C22orf31: variants seen among roughly 807,000 people sequenced by gnomAD.
The protein encoded by C22orf31 is chromosome 22 open reading frame 31.
A neutral mutation model predicts 15.0 loss-of-function variants in C22orf31; 11 were observed. The observed-to-expected ratio is 0.73, with a 90% CI of 0.46 to 1.21. The LOEUF (loss-of-function observed/expected upper bound fraction) is 1.21. Ranked by LOEUF, C22orf31 falls within the 50% of genes most tolerant of loss-of-function variation. C22orf31 has a pLI of 0.00. For synonymous variants in C22orf31, 132 were observed against 133.3 expected, an observed-to-expected ratio of 0.99 and a Z score of 0.07; for missense variants, 340 against 347.2, an observed-to-expected ratio of 0.98 and a Z score of 0.17.
upstream of C22orf31, among the ~76,000 whole-genome samples, chr22:29,062,281 A>G (rs1376942644): frequency 1.3e-5 from 2 of 152,078 alleles, no homozygotes; most frequent in African/African-American, 2.4e-5. Context: ...GCCCTCCTTC[A>G]TGTACATAAA....
chr22:29,063,486 G>A (rs1409388087), upstream of C22orf31, among the ~76,000 whole-genome samples: 1 of 152,130 alleles, frequency 6.6e-6, no homozygotes, highest in Non-Finnish European at 1.5e-5. Context: ...TTCCAGCAGA[G>A]AGCTGTTCAC....
Position 29,058,708 on chromosome 22 carries a change from G to T in C22orf31, c.*34C>A. The stretch of plus-strand genomic sequence containing the variant: ...GTTGTGTTTATTTTTCAGATCTCTA[G>T]CAGAGAATACTCTAATCCCATGAGT... On this transcript the variant is annotated 3_prime_UTR_variant, in exon 3 of 3. Coordinates refer to ENST00000216071, the MANE Select transcript of C22orf31 (RefSeq NM_015370.2). 2.7e-6 allele frequency: 4 copies of T among 1,493,468 alleles called. No individual in the cohort carries two copies. Among genetic ancestry groups the T allele is most frequent in the Non-Finnish European group, 3.7e-6 (4 of 1,095,860 alleles). 92.5% of individuals were successfully genotyped at this position (1,493,468 alleles called of 1,614,324 possible). A position where few individuals can be genotyped will look rare whatever the true frequency, so the allele number is the denominator to read the frequency against.
chr22:29,060,426 C>T lies in C22orf31; in HGVS notation c.421G>A (p.Gly141Ser), dbSNP rs999450525. The change falls in exon 2 of 3, where the codon GGC (glycine) becomes AGC (serine). Residue 141 changes from glycine (G) to serine (S), a missense_variant. By Grantham distance (56) the Gly-to-Ser change is moderately conservative. Coordinates refer to ENST00000216071, the MANE Select transcript of C22orf31 (RefSeq NM_015370.2). ...TGGTCCTCGTCTACCTCTCTGATGCCTCCTGCAGGCCTCCTATGCCCTGCT... is the reference window on the plus strand; with the variant it reads ...TGGTCCTCGTCTACCTCTCTGATGCTTCCTGCAGGCCTCCTATGCCCTGCT... ...QPAGHRRPAGGIRESKESSKE... is the reference protein window; with the variant it reads ...QPAGHRRPAGSIRESKESSKE... 6.2e-7 allele frequency: 1 copy of T among 1,612,344 alleles called. No individual in the cohort carries two copies. Among genetic ancestry groups the T allele is most frequent in the South Asian group, 1.1e-5 (1 of 90,876 alleles).
intron 1 of C22orf31, among the ~76,000 whole-genome samples, chr22:29,061,280 G>A (rs567951470): frequency 6.6e-6 from 1 of 151,896 alleles, no homozygotes; most frequent in East Asian, 1.9e-4. Flanking sequence ...TTTTGTGTGT[G>A]GGGGGGACGG....
upstream of C22orf31, among the ~76,000 whole-genome samples, chr22:29,064,101 C>A (rs1052444770): frequency 1.3e-5 from 2 of 152,194 alleles, no homozygotes; most frequent in Non-Finnish European, 2.9e-5. Context: ...CTCTTGACCT[C>A]AGGTGATCCA....
chr22:29,060,021 C>CTT lies in C22orf31; in HGVS notation c.432+392_432+393dup, dbSNP rs60208241. Reference sequence around the variant, plus strand: ...CTTGGTATAGATCTTTTTTTCTTTTCTTTTTTTTTTTTTTTTTTTTTTATT... The same window carrying CTT: ...CTTGGTATAGATCTTTTTTTCTTTTCTTTTTTTTTTTTTTTTTTTTTTTTATT... On this transcript the variant is annotated intron_variant, in intron 2 of 2. Coordinates refer to ENST00000216071, the MANE Select transcript of C22orf31 (RefSeq NM_015370.2). 4.6e-3 allele frequency: 2,480 copies of CTT among 539,066 alleles called. 2 individuals carry two copies. The highest frequency in any genetic ancestry group is 4.9e-3 in the Non-Finnish European group (2,186 of 447,366). 33.4% of individuals were successfully genotyped at this position (539,066 alleles called of 1,614,324 possible).
chr22:29,072,715 G>C, the C22orf31 span, among the ~76,000 whole-genome samples: 2 of 152,198 alleles, frequency 1.3e-5, no homozygotes, highest in Admixed American at 1.3e-4. Context: ...GTCACTGGGA[G>C]CCCGGCCTAT....
At chr22:29,067,567 C>G in the C22orf31 span, among the ~76,000 whole-genome samples, 2 of 152,176 alleles carry the variant, frequency 1.3e-5, no homozygotes, top group Admixed American at 1.3e-4. Flanking sequence ...CGTTAGCCTT[C>G]CAAGTAGCTG....
chr22:29,059,954 C>G (rs2037366002), intron 2 of C22orf31: 5 of 984,954 alleles, frequency 5.1e-6, no homozygotes, highest in Non-Finnish European at 6.0e-6. Context: ...TCATGCTACA[C>G]CTCCTCCCCA....
chr22:29,063,705 G>A (rs1555997929), upstream of C22orf31, among the ~76,000 whole-genome samples: 1 of 152,150 alleles, frequency 6.6e-6, no homozygotes, highest in Non-Finnish European at 1.5e-5. Flanking sequence ...CACTGTTCTA[G>A]CCACTTTATT....
rs765555478 is a variant in C22orf31, at chr22:29,060,841, G to T, written c.6C>A (p.His2Gln). ...TGGGGTCTCGTCTCACATTGATTGG[G>T]TGCTAGAATTATAAGGAGGGAGAAA... M[H>Q]PINVRRDPSI... The change falls in exon 2 of 3, where the codon CAC becomes CAA. Residue 2 changes from histidine (H) to glutamine (Q), a missense_variant and splice_region_variant. By Grantham distance (24) the His-to-Gln change is conservative. Coordinates refer to ENST00000216071, the MANE Select transcript of C22orf31 (RefSeq NM_015370.2). The T allele has an allele frequency of 1.2e-6, 2 of 1,608,338 alleles. No individual in the cohort carries two copies. Among genetic ancestry groups the T allele is most frequent in the East Asian group, 4.5e-5 (2 of 44,802 alleles).
Position 29,060,033 on chromosome 22 carries a change from T to A in C22orf31, c.432+382A>T, listed in dbSNP as rs1422182703. The A allele has an allele frequency of 1.8e-4, 166 of 912,130 alleles. 1 individual carries two copies. In the South Asian group the frequency reaches 2.1e-3, roughly 12 times the overall value. 56.5% of individuals were successfully genotyped at this position (912,130 alleles called of 1,614,324 possible). On this transcript the variant is annotated intron_variant, in intron 2 of 2. Transcript: ENST00000216071. ...CTTTTTTTCTTTTCTTTTTTTTTTT[T>A]TTTTTTTTTTATTTTTTAGACAGGG...
In C22orf31 at chr22:29,058,961, G is replaced by A. The variant is rs367892930; in HGVS notation, c.654C>T (p.His218=). The change falls in exon 3 of 3, where the codon CAC becomes CAT. Residue 218 remains histidine (H), a synonymous_variant. Coordinates refer to ENST00000216071, the MANE Select transcript of C22orf31 (RefSeq NM_015370.2). The part of the protein sequence containing the change: ...LPTEGYQALY[H]AVVEPMLWNP... ...TCCACAGCATTGGCTCCACCACAGC[G>A]TGGTACAGAGCCTGGTAACCCTCTG... 52 of 1,614,038 alleles carry A rather than the reference G, an allele frequency of 3.2e-5. No individual in the cohort carries two copies. The East Asian group carries it at 5.6e-4, about 17-fold the overall frequency.
chr22:29,068,759 C>CTT, the C22orf31 span, among the ~76,000 whole-genome samples: 54 of 113,084 alleles, frequency 4.8e-4, no homozygotes, highest in East Asian at 9.3e-4. Context: ...CAACCTGGTA[C>CTT]TTTTTTTTTT....
chr22:29,060,326 C>T, intron 2 of C22orf31, 89 bp downstream of exon 2: 1 of 1,229,462 alleles, frequency 8.1e-7, no homozygotes, highest in Non-Finnish European at 1.1e-6. Flanking sequence ...AGCCGCACGC[C>T]ATATAATCTC....
chr22:29,073,785 T>C, the C22orf31 span, among the ~76,000 whole-genome samples: 1 of 134,976 alleles, frequency 7.4e-6, no homozygotes, highest in Non-Finnish European at 1.6e-5. This position sits in a 1 kb window ranked among gnomAD's most constrained non-coding sequence, Gnocchi z 4.4. Flanking sequence ...TGGGATCCCG[T>C]CCCCAAGTCC....
In C22orf31 at chr22:29,060,835, G is replaced by T; in HGVS notation, c.12C>A (p.Ile4=). MHP[I]NVRRDPSIPI... ...GGATGCTGGGGTCTCGTCTCACATT[G>T]ATTGGGTGCTAGAATTATAAGGAGG... Residue 4 remains isoleucine, a synonymous_variant, in exon 2 of 3, where the codon ATC becomes ATA. Coordinates refer to ENST00000216071, the MANE Select transcript of C22orf31 (RefSeq NM_015370.2). The T allele has an allele frequency of 6.2e-7, 1 of 1,612,108 alleles. No individual in the cohort carries two copies. Among genetic ancestry groups the T allele is most frequent in the Non-Finnish European group, 8.5e-7 (1 of 1,178,572 alleles).
chr22:29,067,557 C>T, the C22orf31 span, among the ~76,000 whole-genome samples: 75,103 of 151,872 alleles, frequency 0.49, 19,420 homozygotes, highest in Middle Eastern at 0.61. Context: ...CTGAACCCTG[C>T]GTTAGCCTTC....
chr22:29,073,081 G>A, the C22orf31 span: 2 of 540,526 alleles, frequency 3.7e-6, no homozygotes, highest in Non-Finnish European at 4.7e-6. This position sits in a 1 kb window ranked among gnomAD's most constrained non-coding sequence, Gnocchi z 4.4. Flanking sequence ...GGCTCCCCGC[G>A]CTGCCCCCTT....
Sources: gnomAD v4.1 joint callset for allele counts (sites outside exome capture counted in the v4.1 genomes callset) on GRCh38, gnomAD v4.1.1 for gene constraint, Gnocchi (gnomAD v3.1) non-coding constraint, MANE v1.5 for transcripts, NCBI Gene and HGNC (gene_info 2026-07-23, HGNC 2026-07-21) for gene names.